The following URB2 variants were observed in gnomAD, a reference collection of about 807,000 sequenced individuals.
The protein encoded by URB2 is unhealthy ribosome biogenesis protein 2 homolog.
In URB2, 86 loss-of-function variants were observed where a neutral mutation model predicts 120.9. That is an observed-to-expected ratio of 0.71 (90% CI 0.60 to 0.85). URB2 has a LOEUF of 0.85. Ranked by LOEUF, URB2 falls within the 40% of genes least tolerant of loss-of-function variation. The probability of loss-of-function intolerance (pLI) is 0.00; values close to 1 mark genes in which losing one functional copy is unlikely to be tolerated. For missense variants in URB2, 1,765 were observed against 1,836.5 expected, an observed-to-expected ratio of 0.96 and a Z score of 0.71; for synonymous variants, 755 against 758.4, an observed-to-expected ratio of 1.00 and a Z score of 0.07.
chr1:229,646,771 C>T (rs1227330557), intron 6 of URB2, among the ~76,000 whole-genome samples: 5 of 152,110 alleles, frequency 3.3e-5, no homozygotes, highest in Admixed American at 1.3e-4. Flanking sequence ...CTCTAAAAAC[C>T]CTGACCTGGG....
chr1:229,639,630 C>G (rs1005757581), intron 4 of URB2, among the ~76,000 whole-genome samples: 1 of 152,186 alleles, frequency 6.6e-6, no homozygotes, highest in Admixed American at 6.5e-5. Context: ...GCCACCATGT[C>G]CAGCCAAATC....
In URB2 at chr1:229,632,527, ATTGTATGAAGATAT is replaced by A. The variant is rs773409931; in HGVS notation, c.303+83_303+96del. On this transcript the variant is annotated intron_variant, in intron 3 of 9. Coordinates refer to ENST00000258243, the MANE Select transcript of URB2 (RefSeq NM_014777.4). ...ATGCTGGAAACTTGTTTTAGTGTCAATTGTATGAAGATATAGGAAATACTAAGGTAGGAGAAAAA... is the reference window on the plus strand; with the variant it reads ...ATGCTGGAAACTTGTTTTAGTGTCAAAGGAAATACTAAGGTAGGAGAAAAA... The A allele has an allele frequency of 2.0e-4, 256 of 1,254,636 alleles. 1 individual carries two copies. Among genetic ancestry groups the A allele is most frequent in the Non-Finnish European group, 2.5e-4 (238 of 937,680 alleles). The allele number at this position is 1,254,636 out of a possible 1,614,324, so 77.7% of individuals were successfully genotyped here.
rs372105902 is a variant in URB2, at chr1:229,637,316, T to C, written c.2703T>C (p.Ile901=). ...GCATCCTGGGGCTTTTGGAAGTGAT[T>C]TCTGCCTTACAGCTGGACAGCCTCT... is the stretch of plus-strand genomic sequence containing the variant. ...LESILGLLEV[I]SALQLDSLLP... The change falls in exon 4 of 10, where the codon ATT becomes ATC. Residue 901 remains isoleucine (I), a synonymous_variant. Transcript: ENST00000258243. 2.5e-6 allele frequency: 4 copies of C among 1,614,208 alleles called. No individual in the cohort carries two copies. The highest frequency in any genetic ancestry group is 3.4e-6 in the Non-Finnish European group (4 of 1,180,026).
rs1179532385 is a variant in URB2 at position 229,651,246 on chromosome 1, A to C, written c.4161A>C (p.Lys1387Asn). The C allele has an allele frequency of 6.2e-7, 1 of 1,608,558 alleles. No homozygotes were observed. Among genetic ancestry groups the C allele is most frequent in the African/African-American group, 1.3e-5 (1 of 74,824 alleles). Residue 1387 changes from lysine (K) to asparagine (N), a missense_variant, in exon 8 of 10, where the codon AAA becomes AAC. Physicochemically the swap from Lys to Asn is moderately conservative, Grantham distance 94. Coordinates refer to ENST00000258243, the MANE Select transcript of URB2 (RefSeq NM_014777.4). Reference protein sequence around the residue: ...ILQCHPKVMLKAIPSFLNSFN... With the variant: ...ILQCHPKVMLNAIPSFLNSFN... ...ATCTGTCATTACAGGTAATGCTGAA[A>C]GCCATCCCTTCTTTCTTGAACTCTT...
chr1:229,650,582 C>T (rs1463616208), intron 7 of URB2, among the ~76,000 whole-genome samples: 2 of 152,014 alleles, frequency 1.3e-5, no homozygotes, highest in African/African-American at 4.8e-5. Context: ...AGGCATCCGG[C>T]GCCATGCTTG....
At position 229,645,959 on chromosome 1, in the gene URB2, C is replaced by T. The variant is rs771926295; in HGVS notation, c.3896C>T (p.Thr1299Ile). ...LLWRACPQIVTALTLLNREAS... is the reference protein window; with the variant it reads ...LLWRACPQIVIALTLLNREAS... ...TGGCGTGCGTGTCCCCAGATAGTCA[C>T]AGCTTTAACAGTGAGTACCCTCTGG... The change falls in exon 6 of 10, where the codon ACA becomes ATA. Residue 1299 changes from threonine (T) to isoleucine (I), a missense_variant. Physicochemically the swap from Thr to Ile is moderately conservative, Grantham distance 89 (BLOSUM62 -1). Transcript: ENST00000258243. The T allele has an allele frequency of 6.2e-7, 1 of 1,614,124 alleles. No homozygotes were observed. The highest frequency in any genetic ancestry group is 8.5e-7 in the Non-Finnish European group (1 of 1,179,986).
At chr1:229,646,751 G>T (rs1170250511) in intron 6 of URB2, among the ~76,000 whole-genome samples, 2 of 152,176 alleles carry the variant, frequency 1.3e-5, no homozygotes, top group Non-Finnish European at 2.9e-5. Context: ...GATTGGGACT[G>T]CCTCCTGCCC....
rs1558166491 is a variant in URB2 at position 229,638,227 on chromosome 1, C to T, written c.3614C>T (p.Ser1205Phe). 6.2e-7 allele frequency: 1 copy of T among 1,605,888 alleles called. No homozygotes were observed. Residue 1205 changes from serine to phenylalanine, a missense_variant, in exon 4 of 10, where the codon TCT becomes TTT. By Grantham distance (155) the Ser-to-Phe change is radical. Transcript: ENST00000258243. Reference sequence around the variant, plus strand: ...TCCGTGTTTACCTCCATGTTTCATTCTGTGAGAAGAGTTCTTGCAGGTAAG... The same window carrying T: ...TCCGTGTTTACCTCCATGTTTCATTTTGTGAGAAGAGTTCTTGCAGGTAAG... The part of the protein sequence containing the change: ...KDSVFTSMFH[S>F]VRRVLADPEI...
At chr1:229,638,983 G>A (rs1665931680) in intron 4 of URB2, among the ~76,000 whole-genome samples, 1 of 152,072 alleles carries the variant, frequency 6.6e-6, no homozygotes, top group South Asian at 2.1e-4. Flanking sequence ...GCCATAAATT[G>A]ACTTTAAAAA....
Position 229,635,562 on chromosome 1 carries a change from A to G in URB2, c.949A>G (p.Lys317Glu). The G allele has an allele frequency of 6.2e-7, 1 of 1,613,992 alleles. No homozygotes were observed. The highest frequency in any genetic ancestry group is 8.5e-7 in the Non-Finnish European group (1 of 1,180,010). ...TAAGCTCTTTCTAGATTCTTACTTT[A>G]AGGAGGGAAACCAGCTTCTCTGCTT... is the stretch of plus-strand genomic sequence containing the variant. ...LYKLFLDSYF[K>E]EGNQLLCFQV... Residue 317 changes from lysine to glutamate, a missense_variant, in exon 4 of 10, where the codon AAG becomes GAG. Coordinates refer to ENST00000258243, the MANE Select transcript of URB2 (RefSeq NM_014777.4).
chr1:229,657,436 C>T (rs894903955), intron 9 of URB2, among the ~76,000 whole-genome samples: 5 of 152,128 alleles, frequency 3.3e-5, no homozygotes, highest in African/African-American at 9.7e-5. Context: ...CAAGTCTTAG[C>T]GCTGCCAGTT....
chr1:229,639,985 A>T (rs934581352), intron 4 of URB2, among the ~76,000 whole-genome samples: 6 of 152,246 alleles, frequency 3.9e-5, no homozygotes, highest in Non-Finnish European at 5.9e-5. Context: ...AGAAAATATT[A>T]AGCAAAAAAA....
intron 9 of URB2, among the ~76,000 whole-genome samples, chr1:229,657,578 C>A (rs1666433500): frequency 6.6e-6 from 1 of 152,160 alleles, no homozygotes. Context: ...AAGCCCTCAC[C>A]CTGCCAGTAT....
In URB2 at chr1:229,641,116, G is replaced by A. The variant is rs185303615; in HGVS notation, c.3635-2417G>A. On this transcript the variant is annotated intron_variant, in intron 4 of 9. Transcript: ENST00000258243. Reference sequence around the variant, plus strand: ...CAACCTCCGCCTCCCGGCTTTGAGCGATTCCCATGCCTCGGCCTCCTGAGT... The same window carrying A: ...CAACCTCCGCCTCCCGGCTTTGAGCAATTCCCATGCCTCGGCCTCCTGAGT... Among the ~76,000 whole-genome samples, 426 of 150,730 alleles carry A rather than the reference G, an allele frequency of 2.8e-3. 4 individuals are homozygous for A. Among genetic ancestry groups the A allele is most frequent in the African/African-American group, 9.9e-3 (405 of 40,914 alleles).
chr1:229,659,370 A>G lies in URB2; in HGVS notation c.*73A>G. ...CTGCATGGTCTGAAAGAGCTGGAGAATGAAAGACTTAAGATGTTCTAATTC... is the reference window on the plus strand; with the variant it reads ...CTGCATGGTCTGAAAGAGCTGGAGAGTGAAAGACTTAAGATGTTCTAATTC... On this transcript the variant is annotated 3_prime_UTR_variant, in exon 10 of 10. Coordinates refer to ENST00000258243, the MANE Select transcript of URB2 (RefSeq NM_014777.4). The G allele has an allele frequency of 2.7e-6, 4 of 1,489,352 alleles. No homozygotes were observed. The highest frequency in any genetic ancestry group is 3.7e-6 in the Non-Finnish European group (4 of 1,083,686). The allele number at this position is 1,489,352 out of a possible 1,614,324, so 92.3% of individuals were successfully genotyped here.
rs1174463507 is a variant in URB2, at chr1:229,637,175, C to G, written c.2562C>G (p.Asn854Lys). 6.2e-7 allele frequency: 1 copy of G among 1,613,784 alleles called. No individual in the cohort carries two copies. Among genetic ancestry groups the G allele is most frequent in the Admixed American group, 1.7e-5 (1 of 59,988 alleles). The part of the protein sequence containing the change: ...KDHMVVGHWE[N>K]RFAKAGPEGI... Reference sequence around the variant, plus strand: ...ACATGGTTGTGGGTCATTGGGAAAACAGATTTGCAAAAGCTGGACCCGAAG... The same window carrying G: ...ACATGGTTGTGGGTCATTGGGAAAAGAGATTTGCAAAAGCTGGACCCGAAG... Residue 854 changes from asparagine to lysine, a missense_variant, in exon 4 of 10, where the codon AAC becomes AAG. Asn to Lys is a moderately conservative substitution (Grantham distance 94). Coordinates refer to ENST00000258243, the MANE Select transcript of URB2 (RefSeq NM_014777.4).
chr1:229,658,100 G>GTA (rs1666446344), intron 9 of URB2, among the ~76,000 whole-genome samples: 1 of 152,160 alleles, frequency 6.6e-6, no homozygotes, highest in African/African-American at 2.4e-5. Flanking sequence ...TTCAGTAGTA[G>GTA]TATATACATT....
At chr1:229,629,063 C>T (rs1665598772) in intron 2 of URB2, among the ~76,000 whole-genome samples, 1 of 152,198 alleles carries the variant, frequency 6.6e-6, no homozygotes, top group Non-Finnish European at 1.5e-5. Flanking sequence ...AGATTTTATT[C>T]CTTCTGGCAT....
At chr1:229,658,928 A>G (rs948539548) in intron 9 of URB2, among the ~76,000 whole-genome samples, 172 bp from the exon 10 acceptor site, 1 of 152,212 alleles carries the variant, frequency 6.6e-6, no homozygotes, top group Non-Finnish European at 1.5e-5. Flanking sequence ...ATGAGTATTT[A>G]AAGGTTTGAC....
Sources: gnomAD v4.1 joint callset for allele counts (sites outside exome capture counted in the v4.1 genomes callset) on GRCh38, gnomAD v4.1.1 for gene constraint, MANE v1.5 for transcripts, NCBI Gene and HGNC (gene_info 2026-07-23, HGNC 2026-07-21) for gene names.